Variants in PDS5B observed in about 807,000 individuals in gnomAD.
PDS5B encodes the protein sister chromatid cohesion protein PDS5 homolog B.
A neutral mutation model predicts 184.1 loss-of-function variants in PDS5B; 51 were observed. The ratio of observed to expected loss-of-function variants is 0.28; its 90% CI spans 0.22 to 0.35. The LOEUF is 0.35. Among genes scored for constraint, PDS5B ranks in the 10% least tolerant of loss-of-function variants. The probability of loss-of-function intolerance (pLI) is 1.00; values close to 1 mark genes in which losing one functional copy is unlikely to be tolerated. For missense variants in PDS5B, 1,180 were observed against 1,723.3 expected, an observed-to-expected ratio of 0.68 and a Z score of 5.58; for synonymous variants, 566 against 569.2, an observed-to-expected ratio of 0.99 and a Z score of 0.08.
At chr13:32,596,224 T>C (rs2057866773) in intron 1 of PDS5B, among the ~76,000 whole-genome samples, 1 of 152,200 alleles carries the variant, frequency 6.6e-6, no homozygotes, top group Non-Finnish European at 1.5e-5. Context: ...CTCCATTCAA[T>C]TTCTTTTGCC....
At chr13:32,716,053 G>A (rs1351987710) in intron 19 of PDS5B, among the ~76,000 whole-genome samples, 6 of 30 alleles carry the variant, frequency 0.2, no homozygotes, top group African/African-American at 0.5. Flanking sequence ...CCAAAGTGCC[G>A]AGAGTTGCAG....
intron 26 of PDS5B, 127 bp from the exon 27 acceptor site, chr13:32,757,959 CT>C (rs550088398): frequency 0.065 from 20,976 of 322,574 alleles, no homozygotes; most frequent in East Asian, 0.091. Flanking sequence ...GTAACTGTTT[CT>C]TTTTTTTTTT....
At chr13:32,665,648 ATGAATTTCTT>A (rs1555298459) in intron 6 of PDS5B, among the ~76,000 whole-genome samples, 31 of 150,114 alleles carry the variant, frequency 2.1e-4, no homozygotes, top group Non-Finnish European at 3.9e-4. Context: ...CAAGATAGGA[ATGAATTTCTT>A]AAGAAAGCTA....
chr13:32,648,953 A>C, intron 2 of PDS5B, 73 bp downstream of exon 2: 2 of 772,834 alleles, frequency 2.6e-6, no homozygotes, highest in Admixed American at 3.8e-5. Context: ...TGGGGCTATA[A>C]TGTATCTTGT....
chr13:32,763,795 G>T (rs117390649), intron 30 of PDS5B, among the ~76,000 whole-genome samples: 189 of 152,274 alleles, frequency 1.2e-3, no homozygotes, highest in Non-Finnish European at 1.6e-3. Flanking sequence ...CTACATTAAA[G>T]ATCAGGTGCC....
chr13:32,592,003 C>T (rs888596824), intron 1 of PDS5B, among the ~76,000 whole-genome samples: 17 of 152,112 alleles, frequency 1.1e-4, no homozygotes, highest in Non-Finnish European at 2.9e-5. Flanking sequence ...TTGGTGTAAA[C>T]ATAAGGTAGA....
intron 24 of PDS5B, among the ~76,000 whole-genome samples, chr13:32,747,541 C>T (rs900792920): frequency 7.4e-5 from 11 of 147,896 alleles, no homozygotes; most frequent in Middle Eastern, 3.5e-3. Flanking sequence ...GAGCCGAGGT[C>T]GTGCCATTGC....
intron 1 of PDS5B, among the ~76,000 whole-genome samples, chr13:32,643,557 G>C (rs1566276916): frequency 2.0e-5 from 3 of 151,918 alleles, no homozygotes; most frequent in Admixed American, 6.6e-5. Flanking sequence ...TTCTGTCAGT[G>C]ATGGACTGCA....
intron 1 of PDS5B, among the ~76,000 whole-genome samples, chr13:32,643,580 G>T (rs2140633771): frequency 6.6e-6 from 1 of 152,124 alleles, no homozygotes; most frequent in Middle Eastern, 3.4e-3. Context: ...TATGATGGTG[G>T]TTCCATAAGC....
chr13:32,695,008 A>G (rs1462965255), intron 14 of PDS5B, among the ~76,000 whole-genome samples: 1 of 151,764 alleles, frequency 6.6e-6, no homozygotes, highest in African/African-American at 2.4e-5. Context: ...TTCCACACAT[A>G]CACTTCATAG....
Position 32,758,467 on chromosome 13 carries a change from A to T in PDS5B, c.3190-67A>T. On this transcript the variant is annotated intron_variant, in intron 27 of 34. Transcript: ENST00000315596. ...CAGACTGGATTCATGTTCTGAAATT[A>T]TTCCTAGTTTACAGAGTCTAGATTG... 2.1e-6 allele frequency: 3 copies of T among 1,440,178 alleles called. No homozygotes were observed. The South Asian group carries it at 3.8e-5, about 18-fold the overall frequency. The allele number at this position is 1,440,178 out of a possible 1,614,324, so 89.2% of individuals were successfully genotyped here.
chr13:32,753,563 T>C lies in PDS5B; in HGVS notation c.2941+27T>C, dbSNP rs767477985. 26 of 1,501,662 alleles carry C rather than the reference T, an allele frequency of 1.7e-5. No homozygotes were observed. In the South Asian group the frequency reaches 1.9e-4, roughly 11 times the overall value. The allele number at this position is 1,501,662 out of a possible 1,614,324, so 93.0% of individuals were successfully genotyped here. A position where few individuals can be genotyped will look rare whatever the true frequency, so the allele number is the denominator to read the frequency against. ...TAAGCATATAAGAAAATGGAAAGGA[T>C]ACTTTTTCAGCCTGCTAGTTTCAGT... On this transcript the variant is annotated intron_variant, in intron 25 of 34. Transcript: ENST00000315596.
chr13:32,747,542 G>A (rs557561955), intron 24 of PDS5B, among the ~76,000 whole-genome samples: 9 of 149,240 alleles, frequency 6.0e-5, no homozygotes, highest in South Asian at 4.2e-4. Flanking sequence ...AGCCGAGGTC[G>A]TGCCATTGCA....
intron 1 of PDS5B, among the ~76,000 whole-genome samples, chr13:32,601,806 A>G (rs757344819): frequency 1.6e-4 from 24 of 152,218 alleles, no homozygotes; most frequent in Non-Finnish European, 3.4e-4. Flanking sequence ...CAGATTAAAG[A>G]AAAGGTATAT....
chr13:32,649,186 T>A (rs918966016), intron 2 of PDS5B: 1 of 214,138 alleles, frequency 4.7e-6, no homozygotes, highest in African/African-American at 2.4e-5. Flanking sequence ...TTCTTCTATA[T>A]AGTTTCTAAA....
chr13:32,758,661 C>T lies in PDS5B; in HGVS notation c.3309+8C>T. The T allele has an allele frequency of 6.2e-7, 1 of 1,612,722 alleles. No individual in the cohort carries two copies. Among genetic ancestry groups the T allele is most frequent in the Non-Finnish European group, 8.5e-7 (1 of 1,179,294 alleles). ...TTCACTCAACCTGACAAGGTAGTTA[C>T]TTTACAATTTGTTTGTGTAAGTTGA... On this transcript the variant is annotated splice_region_variant and intron_variant, in intron 28 of 34. Coordinates refer to ENST00000315596, the MANE Select transcript of PDS5B (RefSeq NM_015032.4).
intron 31 of PDS5B, among the ~76,000 whole-genome samples, chr13:32,767,099 T>G (rs1954609839): frequency 6.6e-6 from 1 of 152,162 alleles, no homozygotes; most frequent in Non-Finnish European, 1.5e-5. Context: ...TAGCTTAATG[T>G]TACCAAATCT....
chr13:32,642,060 T>C (rs1950110065), intron 1 of PDS5B, among the ~76,000 whole-genome samples: 1 of 152,202 alleles, frequency 6.6e-6, no homozygotes, highest in African/African-American at 2.4e-5. Context: ...CATGTTCTGC[T>C]TCTCTGGTAT....
At chr13:32,615,402 T>C (rs2058203070) in intron 1 of PDS5B, among the ~76,000 whole-genome samples, 1 of 152,184 alleles carries the variant, frequency 6.6e-6, no homozygotes, top group South Asian at 2.1e-4. Context: ...GAATCAGAAT[T>C]TTGATAGAGT....
Sources: gnomAD v4.1 joint callset for allele counts (sites outside exome capture counted in the v4.1 genomes callset) on GRCh38, gnomAD v4.1.1 for gene constraint, MANE v1.5 for transcripts, NCBI Gene and HGNC (gene_info 2026-07-23, HGNC 2026-07-21) for gene names.